CSMD2: variants seen among roughly 807,000 people sequenced by gnomAD.
CSMD2 encodes CUB and sushi domain-containing protein 2.
Under a neutral mutation model 398.5 loss-of-function variants are expected in CSMD2, and 130 were observed. That is an observed-to-expected ratio of 0.33 (90% CI 0.28 to 0.38). The LOEUF (loss-of-function observed/expected upper bound fraction) is 0.38, where lower values mean the gene tolerates loss of function less well. CSMD2 is among the 10% of genes least tolerant of loss of function. CSMD2 has a pLI of 1.00. For synonymous variants in CSMD2, 1,828 were observed against 1,908.5 expected (o/e 0.96, Z 1.10); for missense variants, 3,829 against 4,764.9 (o/e 0.80, Z 5.78).
intron 13 of CSMD2, among the ~76,000 whole-genome samples, chr1:33,748,602 CAAAG>C (rs142755160): frequency 0.021 from 3,222 of 152,194 alleles, 109 homozygotes; most frequent in African/African-American, 0.074. Context: ...TGTCACCAAA[CAAAG>C]AGAGTTTTCA....
chr1:33,544,528 C>A (rs1423413882), intron 57 of CSMD2, among the ~76,000 whole-genome samples: 1 of 152,096 alleles, frequency 6.6e-6, no homozygotes, highest in African/African-American at 2.4e-5. Context: ...TAAGAGTACT[C>A]ATTGCCACTG....
chr1:33,835,694 AAAC>A (rs1660154717), intron 6 of CSMD2, among the ~76,000 whole-genome samples: 1 of 107,448 alleles, frequency 9.3e-6, no homozygotes, highest in Admixed American at 1.2e-4. Context: ...AAAACAAAAA[AAAC>A]AAACAAAAAT....
At chr1:33,708,308 C>T (rs542063912) in intron 22 of CSMD2, among the ~76,000 whole-genome samples, 8 of 152,274 alleles carry the variant, frequency 5.3e-5, no homozygotes, top group Middle Eastern at 3.4e-3. Context: ...ACTGCAATAG[C>T]CTGTTATTCA....
At chr1:33,612,598 T>C (rs761382790) in intron 40 of CSMD2, among the ~76,000 whole-genome samples, 2 of 152,204 alleles carry the variant, frequency 1.3e-5, no homozygotes, top group Non-Finnish European at 2.9e-5. Context: ...GTTAATTCCA[T>C]TTTATGAATT....
chr1:33,608,116 C>A (rs1365762616), intron 41 of CSMD2, among the ~76,000 whole-genome samples: 1 of 151,718 alleles, frequency 6.6e-6, no homozygotes, highest in African/African-American at 2.4e-5. Context: ...ATAGTGGGAG[C>A]ATTTCCAAAG....
At chr1:33,783,831 G>T (rs1193593785) in intron 12 of CSMD2, among the ~76,000 whole-genome samples, 1 of 152,170 alleles carries the variant, frequency 6.6e-6, no homozygotes, top group Non-Finnish European at 1.5e-5. Context: ...AAACAGAGTT[G>T]TTGCAAATGT....
intron 3 of CSMD2, among the ~76,000 whole-genome samples, chr1:34,019,036 G>T (rs1039179324): frequency 3.9e-5 from 6 of 152,132 alleles, no homozygotes; most frequent in Admixed American, 3.9e-4. Context: ...CCTCTTACTA[G>T]CTGTGTGACC....
chr1:34,117,707 G>C (rs951758475), intron 1 of CSMD2, among the ~76,000 whole-genome samples: 2 of 151,780 alleles, frequency 1.3e-5, no homozygotes, highest in Admixed American at 1.3e-4. Flanking sequence ...ATGAATACAG[G>C]TGCAAAAATC....
intron 19 of CSMD2, among the ~76,000 whole-genome samples, chr1:33,718,112 A>G (rs1385538971): frequency 1.3e-5 from 2 of 152,280 alleles, no homozygotes; most frequent in East Asian, 1.9e-4. Flanking sequence ...TCATCTGTCC[A>G]AGGTCGCCCA....
intron 2 of CSMD2, among the ~76,000 whole-genome samples, chr1:34,074,741 C>T (rs962001412): frequency 6.6e-6 from 1 of 152,056 alleles, no homozygotes; most frequent in Non-Finnish European, 1.5e-5. Context: ...CACACACACA[C>T]ACACGCGTGT....
At chr1:33,833,715 C>A (rs1054557489) in intron 6 of CSMD2, among the ~76,000 whole-genome samples, 16 of 151,606 alleles carry the variant, frequency 1.1e-4, no homozygotes, top group African/African-American at 3.6e-4. Context: ...TCAAATTGTC[C>A]CTGTTTGCAG....
Position 33,743,544 on chromosome 1 carries a change from C to T in CSMD2, c.1909G>A (p.Asp637Asn), listed in dbSNP as rs759845804. 8.1e-6 allele frequency: 13 copies of T among 1,613,708 alleles called. No homozygotes were observed. In the Admixed American group the frequency reaches 1.7e-4, roughly 21 times the overall value. The change falls in exon 14 of 71, where the codon GAC becomes AAC. Residue 637 changes from aspartate to asparagine, a missense_variant. Asp to Asn is a conservative substitution (Grantham distance 23). This residue lies in a region of CSMD2 where 2,001 missense variants were observed against 2,567.1 expected (regional missense o/e 0.78). Coordinates refer to ENST00000373381, the MANE Select transcript of CSMD2 (RefSeq NM_001281956.2). The stretch of plus-strand genomic sequence containing the variant: ...ACACAGTGGAGGTGGTTGCCATAGT[C>T]CTCTGGGTAGTTGGGAGACAGGACA... ...GVVLSPNYPE[D>N]YGNHLHCVWL...
chr1:33,930,400 T>C (rs1409071168), intron 4 of CSMD2, among the ~76,000 whole-genome samples: 1 of 152,182 alleles, frequency 6.6e-6, no homozygotes, highest in Non-Finnish European at 1.5e-5. Flanking sequence ...TTTTTCACAT[T>C]CTGCAGGTTT....
intron 1 of CSMD2, among the ~76,000 whole-genome samples, chr1:34,134,726 A>G (rs565054718): frequency 6.6e-6 from 1 of 152,368 alleles, no homozygotes; most frequent in Non-Finnish European, 1.5e-5. Flanking sequence ...CTTATAAATC[A>G]GTAAGAAAAA....
intron 3 of CSMD2, among the ~76,000 whole-genome samples, chr1:33,985,731 C>T (rs1049749380): frequency 2.0e-5 from 3 of 152,154 alleles, no homozygotes; most frequent in Non-Finnish European, 4.4e-5. Context: ...TTTGTTTTCC[C>T]TGGCTGGAGG....
At chr1:34,029,079 G>A (rs1181913554) in intron 3 of CSMD2, among the ~76,000 whole-genome samples, 1 of 152,168 alleles carries the variant, frequency 6.6e-6, no homozygotes, top group African/African-American at 2.4e-5. Context: ...CAAGAGCAGG[G>A]CCCTGATGCC....
In CSMD2 at chr1:33,700,688, G is replaced by A. The variant is rs752309861; in HGVS notation, c.3577-15C>T. ...CCATCATAAACCTGGACACAGGAGAGACCCCCAACCCAATGTCGTCAGCAT... is the reference window on the plus strand; with the variant it reads ...CCATCATAAACCTGGACACAGGAGAAACCCCCAACCCAATGTCGTCAGCAT... On this transcript the variant is annotated splice_polypyrimidine_tract_variant and intron_variant, in intron 22 of 70. Coordinates refer to ENST00000373381, the MANE Select transcript of CSMD2 (RefSeq NM_001281956.2). 1.3e-5 allele frequency: 21 copies of A among 1,613,826 alleles called. No individual in the cohort carries two copies. The Admixed American group carries it at 2.3e-4, about 18-fold the overall frequency.
At chr1:33,612,722 C>G (rs1388245755) in intron 40 of CSMD2, among the ~76,000 whole-genome samples, 1 of 150,860 alleles carries the variant, frequency 6.6e-6, no homozygotes. Context: ...TGTTCGGTCG[C>G]CCGGGCTGGA....
chr1:34,077,021 T>C (rs934775969), intron 2 of CSMD2, among the ~76,000 whole-genome samples: 4 of 147,326 alleles, frequency 2.7e-5, no homozygotes, highest in African/African-American at 1.0e-4. Flanking sequence ...GGAAAGTTCA[T>C]TTCTCACAAC....
Sources: allele counts gnomAD v4.1 joint callset (sites outside exome capture counted in the v4.1 genomes callset), GRCh38; gene constraint gnomAD v4.1.1; regional missense constraint gnomAD v4.1.1; transcripts MANE v1.5; gene names NCBI Gene and HGNC (gene_info 2026-07-23, HGNC 2026-07-21).